PVT1: variants seen among roughly 807,000 people sequenced by gnomAD.
PVT1 encodes the protein Pvt1 oncogene.
chr8:127,855,080 C>A (rs898142632), intron 2 of PVT1: 3 of 398,308 alleles, frequency 7.5e-6, no homozygotes, highest in African/African-American at 6.2e-5. Context: ...TTTTAAACTA[C>A]CCGATTCAAG....
intron 4 of PVT1, among the ~76,000 whole-genome samples, chr8:127,999,599 T>C (rs1817151405): frequency 6.6e-6 from 1 of 152,066 alleles, no homozygotes; most frequent in Non-Finnish European, 1.5e-5. Context: ...GTAGCTGGGA[T>C]TACAGGTGCA....
At chr8:127,868,531 G>T (rs1399459894) in intron 2 of PVT1, among the ~76,000 whole-genome samples, 1 of 151,596 alleles carries the variant, frequency 6.6e-6, no homozygotes, top group African/African-American at 2.4e-5. Flanking sequence ...GGGGTTACGG[G>T]TGCATGCCAC....
At chr8:128,007,073 C>G (rs994728721) in intron 4 of PVT1, among the ~76,000 whole-genome samples, 1 of 152,196 alleles carries the variant, frequency 6.6e-6, no homozygotes. Context: ...CTGATCAGCA[C>G]TCTTTAAAAA....
intron 2 of PVT1, among the ~76,000 whole-genome samples, chr8:127,798,820 G>A (rs1199161943): frequency 6.6e-6 from 1 of 152,074 alleles, no homozygotes; most frequent in Non-Finnish European, 1.5e-5. Context: ...AGTTTGCAGT[G>A]AGCTGAGATT....
chr8:128,014,888 A>C (rs1586481901), intron 4 of PVT1, among the ~76,000 whole-genome samples: 1 of 152,266 alleles, frequency 6.6e-6, no homozygotes, highest in East Asian at 1.9e-4. Flanking sequence ...GGGGCACTTA[A>C]GCAATTAGCA....
intron 2 of PVT1, among the ~76,000 whole-genome samples, chr8:127,846,891 G>C (rs1815040248): frequency 2.0e-5 from 3 of 151,164 alleles, no homozygotes; most frequent in Admixed American, 1.3e-4. Flanking sequence ...ATTTGGGACA[G>C]GCTGGTCTTG....
At chr8:127,867,132 G>T (rs936733661) in intron 2 of PVT1, among the ~76,000 whole-genome samples, 1 of 152,234 alleles carries the variant, frequency 6.6e-6, no homozygotes, top group Non-Finnish European at 1.5e-5. Context: ...ACCTGCCTGC[G>T]GCCTTCCTCG....
Position 127,887,931 on chromosome 8 carries a change from G to GTTTTTTTTT in PVT1, n.373-2639_373-2631dup, listed in dbSNP as rs560976785. Among the ~76,000 whole-genome samples the GTTTTTTTTT allele has an allele frequency of 6.6e-4, 44 of 66,588 alleles. 9 individuals carry two copies. Among genetic ancestry groups the GTTTTTTTTT allele is most frequent in the East Asian group, 1.9e-3 (3 of 1,576 alleles). The allele number at this position is 66,588 out of a possible 152,430, so 43.7% of individuals were successfully genotyped here. A position where few individuals can be genotyped will look rare whatever the true frequency, so the allele number is the denominator to read the frequency against. On this transcript the variant is annotated intron_variant and non_coding_transcript_variant, in intron 2 of 10. Coordinates refer to ENST00000651587, the Ensembl canonical transcript of PVT1. Reference sequence around the variant, plus strand: ...TGGATGCAGAATCTCACTCTATCTTGTTTTTTTTTTTTTTTTTTTTTTTTT... The same window carrying GTTTTTTTTT: ...TGGATGCAGAATCTCACTCTATCTTGTTTTTTTTTTTTTTTTTTTTTTTTTTTTTTTTTT...
intron 3 of PVT1, among the ~76,000 whole-genome samples, chr8:127,914,233 G>GTAA (rs1294039451): frequency 9.0e-6 from 1 of 110,684 alleles, no homozygotes; most frequent in East Asian, 3.1e-4. Context: ...TAGGATGGCT[G>GTAA]TAATTAAACA....
Position 128,069,520 on chromosome 8 carries a change from G to T in PVT1, n.913-640G>T, listed in dbSNP as rs143010300. On this transcript the variant is annotated intron_variant and non_coding_transcript_variant, in intron 4 of 10. Coordinates refer to ENST00000651587, the Ensembl canonical transcript of PVT1. ...ATGATCTTGCTTTTTGTCCCTCATGGTCATGTGTCATTTCATCTGCACCAT... is the reference window on the plus strand; with the variant it reads ...ATGATCTTGCTTTTTGTCCCTCATGTTCATGTGTCATTTCATCTGCACCAT... Among the ~76,000 whole-genome samples the T allele has an allele frequency of 2.0e-3, 308 of 152,220 alleles. 1 individual carries two copies. Among genetic ancestry groups the T allele is most frequent in the African/African-American group, 7.0e-3 (292 of 41,546 alleles).
chr8:127,984,994 T>TTTAC (rs1816945514), intron 3 of PVT1, among the ~76,000 whole-genome samples: 1 of 67,090 alleles, frequency 1.5e-5, no homozygotes, highest in African/African-American at 6.3e-5. Flanking sequence ...TTTCTTTCTC[T>TTTAC]TTCCTTCCTT....
intron 4 of PVT1, among the ~76,000 whole-genome samples, chr8:128,011,098 G>A (rs763206184): frequency 4.6e-5 from 7 of 152,106 alleles, no homozygotes; most frequent in African/African-American, 1.2e-4. Context: ...CTTAAGGTGC[G>A]GGGACCTCTA....
chr8:127,961,123 G>A (rs1816638081), intron 3 of PVT1, among the ~76,000 whole-genome samples: 1 of 152,212 alleles, frequency 6.6e-6, no homozygotes, highest in African/African-American at 2.4e-5. Context: ...AGGGAGACAG[G>A]AAAGGTAAGC....
chr8:127,951,318 C>T (rs549176792), intron 3 of PVT1, among the ~76,000 whole-genome samples: 2 of 152,196 alleles, frequency 1.3e-5, no homozygotes, highest in Non-Finnish European at 2.9e-5. Context: ...ATTCCTGAGG[C>T]AAAGCTCCCT....
Position 127,888,335 on chromosome 8 carries a change from AG to A in PVT1, n.373-2251del, listed in dbSNP as rs528103881. Among the ~76,000 whole-genome samples, 4 of 152,290 alleles carry A rather than the reference AG, an allele frequency of 2.6e-5. No homozygotes were observed. In the South Asian group the frequency reaches 8.3e-4, roughly 32 times the overall value. On this transcript the variant is annotated intron_variant and non_coding_transcript_variant, in intron 2 of 10. Transcript: ENST00000651587. Reference sequence around the variant, plus strand: ...GTGTGTGGCTCTGTGCATTGTGGGCAGGGTGAGGCAGCTAGCTTGATTTCCA... The same window carrying A: ...GTGTGTGGCTCTGTGCATTGTGGGCAGGTGAGGCAGCTAGCTTGATTTCCA...
chr8:127,957,896 A>G (rs970386192), intron 3 of PVT1, among the ~76,000 whole-genome samples: 5 of 152,236 alleles, frequency 3.3e-5, no homozygotes. Flanking sequence ...CTGCAGGGCA[A>G]GGCCGAGAAA....
chr8:128,018,039 T>C (rs1210051397), intron 4 of PVT1, among the ~76,000 whole-genome samples: 1 of 152,196 alleles, frequency 6.6e-6, no homozygotes, highest in Non-Finnish European at 1.5e-5. Context: ...ACAAAAATAT[T>C]GGCTGCAGTG....
At chr8:128,027,872 T>C (rs1023128154) in intron 4 of PVT1, among the ~76,000 whole-genome samples, 1 of 152,254 alleles carries the variant, frequency 6.6e-6, no homozygotes, top group Non-Finnish European at 1.5e-5. Flanking sequence ...TGCACTTTGC[T>C]GGCCATCTCC....
intron 3 of PVT1, among the ~76,000 whole-genome samples, chr8:127,918,863 C>A (rs1184043787): frequency 6.6e-6 from 1 of 152,198 alleles, no homozygotes; most frequent in Non-Finnish European, 1.5e-5. Flanking sequence ...AGCAACCTGG[C>A]CACTTGTCTG....
Sources: gnomAD v4.1 joint callset for allele counts (sites outside exome capture counted in the v4.1 genomes callset) on GRCh38, gnomAD v4.1.1 for gene constraint, MANE v1.5 for transcripts, NCBI Gene and HGNC (gene_info 2026-07-23, HGNC 2026-07-21) for gene names.